Variants in RBM5 observed in about 807,000 individuals in gnomAD.
The protein encoded by RBM5 is RNA-binding protein 5.
Under a neutral mutation model 124.6 loss-of-function variants are expected in RBM5, and 15 were observed. That is an observed-to-expected ratio of 0.12 (90% CI 0.08 to 0.19). The LOEUF (loss-of-function observed/expected upper bound fraction) is 0.19. RBM5 is among the 10% of genes least tolerant of loss of function. RBM5 has a pLI of 1.00. For synonymous variants in RBM5, 337 were observed against 361.2 expected (o/e 0.93, Z 0.76); for missense variants, 580 against 1,026.5 (o/e 0.57, Z 5.94).
chr3:50,096,751 G>A (rs2090825044), intron 4 of RBM5, among the ~76,000 whole-genome samples: 1 of 151,380 alleles, frequency 6.6e-6, no homozygotes. Flanking sequence ...TCACCACTCC[G>A]AGCTAATTTT....
chr3:50,117,802 T>A lies in RBM5; in HGVS notation c.2322+423T>A, dbSNP rs975778854. 5.9e-6 allele frequency: 1 copy of A among 168,778 alleles called. No homozygotes were observed. Among genetic ancestry groups the A allele is most frequent in the Non-Finnish European group, 1.3e-5 (1 of 77,502 alleles). 10.5% of individuals were successfully genotyped at this position (168,778 alleles called of 1,614,324 possible). The stretch of plus-strand genomic sequence containing the variant: ...AAAAAAAAAAAAAATTTAGTAGGGT[T>A]TTCACCCATGATAAGAAATCTTTAA... On this transcript the variant is annotated intron_variant, in intron 24 of 24. Transcript: ENST00000347869. This position sits in a 1 kb window ranked among gnomAD's most constrained non-coding sequence, Gnocchi z 4.2.
In RBM5 at chr3:50,100,433, C is replaced by A; in HGVS notation, c.410-99C>A. The A allele has an allele frequency of 3.0e-6, 3 of 1,011,326 alleles. No individual in the cohort carries two copies. The highest frequency in any genetic ancestry group is 1.5e-5 in the South Asian group (1 of 64,520). 62.6% of individuals were successfully genotyped at this position (1,011,326 alleles called of 1,614,324 possible). On this transcript the variant is annotated intron_variant, in intron 5 of 24. Coordinates refer to ENST00000347869, the MANE Select transcript of RBM5 (RefSeq NM_005778.4). This position sits in a 1 kb window ranked among gnomAD's most constrained non-coding sequence, Gnocchi z 5.1. ...ATTTGTAAAGCTGCTTCCCAATTGG[C>A]TTTGTCACGCAGTGTTGAAGCAGTG...
At chr3:50,101,688 G>A (rs1324400095) in intron 6 of RBM5, 1 of 152,198 alleles carries the variant, frequency 6.6e-6, no homozygotes, top group Non-Finnish European at 1.5e-5. Flanking sequence ...GGATATGTCA[G>A]AATGACTAAC....
Position 50,103,113 on chromosome 3 carries a change from G to C in RBM5, c.514G>C (p.Ala172Pro). 2 of 1,612,276 alleles carry C rather than the reference G, an allele frequency of 1.2e-6. No individual in the cohort carries two copies. Among genetic ancestry groups the C allele is most frequent in the Non-Finnish European group, 1.7e-6 (2 of 1,178,356 alleles). Residue 172 changes from alanine (A) to proline (P), a missense_variant, in exon 7 of 25, where the codon GCA becomes CCA. Transcript: ENST00000347869. ...KKLVIQGKHI[A>P]MHYSNPRPKF... ...GTTGGTGATTCAAGGAAAGCACATT[G>C]CAATGCATTATAGCAATCCCAGACC...
rs751202488 is a variant in RBM5 at position 50,107,515 on chromosome 3, C to T, written c.987C>T (p.Ser329=). 9.3e-6 allele frequency: 15 copies of T among 1,609,508 alleles called. No individual in the cohort carries two copies. The highest frequency in any genetic ancestry group is 6.7e-5 in the African/African-American group (5 of 74,760). ...DLVLSDGNRV[S]AFSVASTAIA... is the part of the protein sequence containing the mutation. ...TCCTCTCAGATGGTAACCGCGTCAG[C>T]GCTTTCTCTGTAGCTAGTACGGCTA... Residue 329 remains serine (S), a synonymous_variant, in exon 12 of 25, where the codon AGC becomes AGT. Coordinates refer to ENST00000347869, the MANE Select transcript of RBM5 (RefSeq NM_005778.4).
chr3:50,117,211 C>A lies in RBM5; in HGVS notation c.2193-39C>A. On this transcript the variant is annotated intron_variant, in intron 23 of 24. Transcript: ENST00000347869. This position sits in a 1 kb window ranked among gnomAD's most constrained non-coding sequence, Gnocchi z 4.2. ...CATTTTCCAGTTCGTAAGCTGGGGC[C>A]CTGGCTGTTTTAAGTAACTGTGTGT... The A allele has an allele frequency of 6.2e-7, 1 of 1,614,116 alleles. No homozygotes were observed. Among genetic ancestry groups the A allele is most frequent in the Non-Finnish European group, 8.5e-7 (1 of 1,179,998 alleles).
chr3:50,117,442 C>A lies in RBM5; in HGVS notation c.2322+63C>A. ...TACAGGCCGGTTCCAGAGATGAGAT[C>A]AGAGCACTCATAGAGCCTGGGAGCC... On this transcript the variant is annotated intron_variant, in intron 24 of 24. Coordinates refer to ENST00000347869, the MANE Select transcript of RBM5 (RefSeq NM_005778.4). The surrounding 1 kb of genome is among the most constrained non-coding windows in gnomAD (Gnocchi z 4.2). 1 of 1,599,986 alleles carries A rather than the reference C, an allele frequency of 6.3e-7. No individual in the cohort carries two copies. Among genetic ancestry groups the A allele is most frequent in the Non-Finnish European group, 8.5e-7 (1 of 1,172,126 alleles).
chr3:50,104,385 C>G (rs2090994645), intron 8 of RBM5, 77 bp downstream of exon 8: 14 of 1,425,146 alleles, frequency 9.8e-6, no homozygotes, highest in Non-Finnish European at 1.3e-5. Flanking sequence ...TCACTGTAAT[C>G]CCACCACTTT....
chr3:50,114,382 C>A, intron 20 of RBM5, 131 bp downstream of exon 20: 3 of 830,650 alleles, frequency 3.6e-6, no homozygotes, highest in Non-Finnish European at 5.5e-6. Flanking sequence ...GGTATTGGAG[C>A]AGTTTCTGCA....
In RBM5 at chr3:50,090,320, A is replaced by G. The variant is rs144861009; in HGVS notation, c.-53-62A>G. 7.6e-5 allele frequency: 84 copies of G among 1,107,430 alleles called. No individual in the cohort carries two copies. In the East Asian group the frequency reaches 1.9e-3, roughly 24 times the overall value. The allele number at this position is 1,107,430 out of a possible 1,614,324, so 68.6% of individuals were successfully genotyped here. A position where few individuals can be genotyped will look rare whatever the true frequency, so the allele number is the denominator to read the frequency against. ...TCCCAGCCTCAGTAGTATCCAAGCT[A>G]TGGAGCTGCTGACTTAAGTGATCTC... On this transcript the variant is annotated intron_variant, in intron 1 of 24. Transcript: ENST00000347869.
chr3:50,108,061 G>A lies in RBM5; in HGVS notation c.1042-9G>A. 1.9e-6 allele frequency: 3 copies of A among 1,595,838 alleles called. No individual in the cohort carries two copies. Among genetic ancestry groups the A allele is most frequent in the Non-Finnish European group, 2.6e-6 (3 of 1,163,426 alleles). Reference sequence around the variant, plus strand: ...AAGTTTGTCTTTGTCTCATTTTGATGTTTTGTAGTCTCAAAGTGGTGAAGG... The same window carrying A: ...AAGTTTGTCTTTGTCTCATTTTGATATTTTGTAGTCTCAAAGTGGTGAAGG... On this transcript the variant is annotated splice_polypyrimidine_tract_variant and intron_variant, in intron 12 of 24. Transcript: ENST00000347869.
intron 3 of RBM5, 82 bp downstream of exon 3, chr3:50,092,290 A>T: frequency 5.5e-6 from 8 of 1,447,286 alleles, no homozygotes; most frequent in Non-Finnish European, 6.5e-6. Context: ...AGCCAGGTCC[A>T]GTGGCCCCTT....
At chr3:50,102,372 AT>A (rs1403013734) in intron 6 of RBM5, 1 of 152,190 alleles carries the variant, frequency 6.6e-6, no homozygotes, top group Non-Finnish European at 1.5e-5. Context: ...AAGAAACTTC[AT>A]TGGCCTCCTG....
chr3:50,105,574 G>T lies in RBM5; in HGVS notation c.720G>T (p.Pro240=). Reference sequence around the variant, plus strand: ...CGATCATTCTTCGGAACATAGCTCCGCACACTGTGGTGGATTCCATCATGA... The same window carrying T: ...CGATCATTCTTCGGAACATAGCTCCTCACACTGTGGTGGATTCCATCATGA... ...CDTIILRNIA[P]HTVVDSIMTA... The change falls in exon 10 of 25, where the codon CCG becomes CCT. Residue 240 remains proline, a synonymous_variant. Coordinates refer to ENST00000347869, the MANE Select transcript of RBM5 (RefSeq NM_005778.4). 1 of 1,614,066 alleles carries T rather than the reference G, an allele frequency of 6.2e-7. No individual in the cohort carries two copies. Among genetic ancestry groups the T allele is most frequent in the Non-Finnish European group, 8.5e-7 (1 of 1,179,988 alleles).
chr3:50,103,282 C>T (rs2090974537), intron 7 of RBM5, 116 bp downstream of exon 7: 1 of 870,506 alleles, frequency 1.1e-6, no homozygotes, highest in South Asian at 1.5e-5. Flanking sequence ...CAGTAATATT[C>T]ATGGTTTGTT....
Position 50,108,149 on chromosome 3 carries a change from T to C in RBM5, c.1119+2T>C, listed in dbSNP as rs750904704. The C allele has an allele frequency of 6.2e-6, 10 of 1,608,206 alleles. No homozygotes were observed. The Admixed American group carries it at 1.7e-4, about 27-fold the overall frequency. ...GATGGCTATGCCCAATATGCTCAGG[T>C]AGGTAGATTTTAGCAGCATCCACCT... On this transcript the variant is annotated splice_donor_variant, in intron 13 of 24. Transcript: ENST00000347869. LOFTEE classifies it high-confidence loss of function.
intron 11 of RBM5, chr3:50,107,079 A>G (rs1279657831): frequency 2.9e-6 from 2 of 687,372 alleles, no homozygotes; most frequent in Non-Finnish European, 5.3e-6. Flanking sequence ...GTTTCAGATC[A>G]GGAGAAAGGC....
intron 14 of RBM5, 81 bp from the exon 15 acceptor site, chr3:50,109,522 C>T: frequency 9.1e-7 from 1 of 1,102,160 alleles, no homozygotes; most frequent in Non-Finnish European, 1.4e-6. Flanking sequence ...CAGAAGAAGG[C>T]TAGATTGGGC....
chr3:50,103,234 A>G, intron 7 of RBM5, 68 bp downstream of exon 7: 2 of 1,257,408 alleles, frequency 1.6e-6, no homozygotes, highest in South Asian at 1.2e-5. Flanking sequence ...CTGTTTGTTT[A>G]TTTGACTGTC....
Sources: gnomAD v4.1 joint callset for allele counts (sites outside exome capture counted in the v4.1 genomes callset) on GRCh38, gnomAD v4.1.1 for gene constraint, Gnocchi (gnomAD v3.1) non-coding constraint, MANE v1.5 for transcripts, NCBI Gene and HGNC (gene_info 2026-07-23, HGNC 2026-07-21) for gene names.